Variants in RAPGEF6 observed in about 807,000 individuals in gnomAD.
The protein encoded by RAPGEF6 is Rap guanine nucleotide exchange factor 6.
A neutral mutation model predicts 171.4 loss-of-function variants in RAPGEF6; 56 were observed. That is an observed-to-expected ratio of 0.33 (90% CI 0.26 to 0.41). RAPGEF6 has a LOEUF of 0.41. RAPGEF6 is among the 10% of genes least tolerant of loss of function. The pLI is 1.00. For synonymous variants in RAPGEF6, 692 were observed against 650.1 expected (o/e 1.06, Z -0.98); for missense variants, 1,674 against 1,921.4 (o/e 0.87, Z 2.41).
intron 6 of RAPGEF6, among the ~76,000 whole-genome samples, chr5:131,528,419 G>A (rs1759136535): frequency 6.9e-6 from 1 of 145,758 alleles, no homozygotes; most frequent in Non-Finnish European, 1.5e-5. Flanking sequence ...CCCCAAAGGA[G>A]AACCTTGGGT....
chr5:131,632,521 T>C (rs567748130), intron 1 of RAPGEF6, among the ~76,000 whole-genome samples: 93 of 152,322 alleles, frequency 6.1e-4, no homozygotes, highest in African/African-American at 2.2e-3. Context: ...CTACATATTA[T>C]GTAACTTACC....
chr5:131,567,487 T>C (rs933612649), intron 4 of RAPGEF6, among the ~76,000 whole-genome samples: 8 of 152,222 alleles, frequency 5.3e-5, no homozygotes, highest in African/African-American at 1.9e-4. Flanking sequence ...AATATTTTCT[T>C]CTAATTTCTC....
chr5:131,521,877 ACACACACACACACACT>A (rs892514040), intron 6 of RAPGEF6, among the ~76,000 whole-genome samples: 21 of 123,682 alleles, frequency 1.7e-4, no homozygotes, highest in East Asian at 4.1e-4. Flanking sequence ...ACACACACAC[ACACACACACACACACT>A]CTCTCTCTCT....
intron 16 of RAPGEF6, among the ~76,000 whole-genome samples, chr5:131,474,200 C>T (rs533585594): frequency 6.6e-5 from 10 of 152,344 alleles, no homozygotes; most frequent in East Asian, 1.9e-4. Flanking sequence ...CACATTGGCT[C>T]ACCCCTGCAA....
At chr5:131,545,056 A>C (rs1020258864) in intron 6 of RAPGEF6, among the ~76,000 whole-genome samples, 17 of 152,170 alleles carry the variant, frequency 1.1e-4, no homozygotes, top group Non-Finnish European at 1.5e-4. Flanking sequence ...AAATTGTATC[A>C]AAAAAATTGT....
At chr5:131,598,594 C>G (rs1764042744) in intron 3 of RAPGEF6, among the ~76,000 whole-genome samples, 1 of 152,154 alleles carries the variant, frequency 6.6e-6, no homozygotes, top group African/African-American at 2.4e-5. Context: ...GTAACAAGAA[C>G]ACTGATTACT....
In RAPGEF6 at chr5:131,426,519, A is replaced by C. The variant is rs1165165942; in HGVS notation, c.*747T>G. ...AATTAGGGTTCCCACCCTCCTCCCCAAACTACTCCCTCCCATTTCCCAAAG... is the reference window on the plus strand; with the variant it reads ...AATTAGGGTTCCCACCCTCCTCCCCCAACTACTCCCTCCCATTTCCCAAAG... On this transcript the variant is annotated 3_prime_UTR_variant, in exon 28 of 28. Coordinates refer to ENST00000509018, the MANE Select transcript of RAPGEF6 (RefSeq NM_016340.6). 1.3e-5 allele frequency: 2 copies of C among 152,332 alleles called. No individual in the cohort carries two copies. The highest frequency in any genetic ancestry group is 2.9e-5 in the Non-Finnish European group (2 of 68,038). The allele number at this position is 152,332 out of a possible 1,614,324, so 9.4% of individuals were successfully genotyped here. A position where few individuals can be genotyped will look rare whatever the true frequency, so the allele number is the denominator to read the frequency against.
intron 4 of RAPGEF6, among the ~76,000 whole-genome samples, chr5:131,567,095 CAAA>C (rs34938105): frequency 1.5e-5 from 2 of 131,656 alleles, no homozygotes. Flanking sequence ...ACTCTTGTCT[CAAA>C]AAAAAAAAAA....
At chr5:131,627,564 G>A (rs956367851) in intron 1 of RAPGEF6, among the ~76,000 whole-genome samples, 2 of 152,144 alleles carry the variant, frequency 1.3e-5, no homozygotes, top group Middle Eastern at 3.2e-3. Context: ...AAAAAGGAAC[G>A]TTATAAAGAA....
intron 19 of RAPGEF6, among the ~76,000 whole-genome samples, chr5:131,458,017 T>G (rs1180031682): frequency 6.6e-6 from 1 of 152,178 alleles, no homozygotes; most frequent in Admixed American, 6.5e-5. Flanking sequence ...TTAGAATACT[T>G]AGGCAGAAAC....
intron 13 of RAPGEF6, among the ~76,000 whole-genome samples, chr5:131,493,018 G>T (rs935898910): frequency 3.3e-5 from 5 of 151,994 alleles, no homozygotes; most frequent in African/African-American, 1.2e-4. Flanking sequence ...CTCATTTACA[G>T]AGACATGACA....
At chr5:131,516,232 C>G (rs1758075786) in intron 7 of RAPGEF6, among the ~76,000 whole-genome samples, 1 of 151,850 alleles carries the variant, frequency 6.6e-6, no homozygotes. Flanking sequence ...GTGCATGCGC[C>G]ACCGCACGTG....
intron 21 of RAPGEF6, among the ~76,000 whole-genome samples, chr5:131,448,518 T>C (rs1346918510): frequency 6.6e-6 from 1 of 152,240 alleles, no homozygotes; most frequent in East Asian, 1.9e-4. Flanking sequence ...TTCAAAGAAA[T>C]GCAGTAAAAT....
intron 6 of RAPGEF6, among the ~76,000 whole-genome samples, chr5:131,540,326 G>T (rs1235352054): frequency 6.6e-6 from 1 of 152,160 alleles, no homozygotes; most frequent in Non-Finnish European, 1.5e-5. Flanking sequence ...CCAGTGTTTT[G>T]GGAGGCTGCA....
chr5:131,508,843 A>G (rs1757530587), intron 8 of RAPGEF6, among the ~76,000 whole-genome samples: 1 of 152,230 alleles, frequency 6.6e-6, no homozygotes, highest in South Asian at 2.1e-4. Context: ...GGAATTAGCT[A>G]TATTTCAATT....
Position 131,508,254 on chromosome 5 carries a change from C to T in RAPGEF6, c.806-47G>A, listed in dbSNP as rs201706919. The T allele has an allele frequency of 9.7e-5, 145 of 1,493,282 alleles. No individual in the cohort carries two copies. In the East Asian group the frequency reaches 2.5e-3, roughly 25 times the overall value. The allele number at this position is 1,493,282 out of a possible 1,614,324, so 92.5% of individuals were successfully genotyped here. A position where few individuals can be genotyped will look rare whatever the true frequency, so the allele number is the denominator to read the frequency against. The stretch of plus-strand genomic sequence containing the variant: ...GGTATAAAGACCATCGAGGACTATA[C>T]CTTAAAAATACAACGAAATCTAGAA... On this transcript the variant is annotated intron_variant, in intron 8 of 27. Coordinates refer to ENST00000509018, the MANE Select transcript of RAPGEF6 (RefSeq NM_016340.6).
chr5:131,531,261 G>C (rs1242839699), intron 6 of RAPGEF6, among the ~76,000 whole-genome samples: 1 of 152,098 alleles, frequency 6.6e-6, no homozygotes. Flanking sequence ...CTGTATGCAA[G>C]AGAACCATAA....
intron 9 of RAPGEF6, among the ~76,000 whole-genome samples, chr5:131,507,175 ATAT>A (rs1463326154): frequency 1.3e-4 from 7 of 53,736 alleles, no homozygotes; most frequent in Admixed American, 1.2e-3. Context: ...GTAATATTAT[ATAT>A]TATATATATA....
chr5:131,583,508 G>A (rs1763082709), intron 4 of RAPGEF6, among the ~76,000 whole-genome samples: 1 of 152,150 alleles, frequency 6.6e-6, no homozygotes, highest in Non-Finnish European at 1.5e-5. Context: ...ATTCCTTTCT[G>A]CTGATTCCAA....
Sources: gnomAD v4.1 joint callset for allele counts (sites outside exome capture counted in the v4.1 genomes callset) on GRCh38, gnomAD v4.1.1 for gene constraint, MANE v1.5 for transcripts, NCBI Gene and HGNC (gene_info 2026-07-23, HGNC 2026-07-21) for gene names.